The following NKAIN3 variants were observed in gnomAD, a reference collection of about 807,000 sequenced individuals.
NKAIN3 encodes sodium/potassium-transporting ATPase subunit beta-1-interacting protein 3.
Under a neutral mutation model 30.2 loss-of-function variants are expected in NKAIN3, and 25 were observed. The observed-to-expected ratio is 0.83, with a 90% CI of 0.60 to 1.16. NKAIN3 has a LOEUF of 1.16. Among genes scored for constraint, NKAIN3 ranks in the 50% most tolerant of loss-of-function variants. The pLI is 0.00. For synonymous variants in NKAIN3, 91 were observed against 89.6 expected, an observed-to-expected ratio of 1.02 and a Z score of -0.09; for missense variants, 225 against 254.1, an observed-to-expected ratio of 0.89 and a Z score of 0.78.
At chr8:62,321,729 G>C (rs548195537) in intron 1 of NKAIN3, among the ~76,000 whole-genome samples, 210 of 152,310 alleles carry the variant, frequency 1.4e-3, no homozygotes, top group Non-Finnish European at 2.6e-3. Context: ...TGAGGTGTCA[G>C]TCTGCCCCTA....
chr8:62,322,416 C>T (rs1320524115), intron 1 of NKAIN3, among the ~76,000 whole-genome samples: 4 of 152,168 alleles, frequency 2.6e-5, no homozygotes, highest in Admixed American at 6.5e-5. Context: ...TCTTCTGTGT[C>T]GCTCACACTG....
chr8:62,447,590 G>A (rs1404064009), intron 1 of NKAIN3, among the ~76,000 whole-genome samples: 1 of 151,962 alleles, frequency 6.6e-6, no homozygotes, highest in Non-Finnish European at 1.5e-5. Flanking sequence ...TGTACTTTGG[G>A]TTCTTTTCTT....
chr8:62,977,275 T>C lies in NKAIN3; in HGVS notation c.*11868T>C, dbSNP rs1414666313. Among the ~76,000 whole-genome samples, 1 of 152,166 alleles carries C rather than the reference T, an allele frequency of 6.6e-6. No homozygotes were observed. The highest frequency in any genetic ancestry group is 1.5e-5 in the Non-Finnish European group (1 of 68,044). ...GTTGGGGAAGTTCTCCTGGATTATA[T>C]CCTAAATTGTGCTTTCCAACTTGAT... is the stretch of plus-strand genomic sequence containing the variant. On this transcript the variant is annotated 3_prime_UTR_variant, in exon 7 of 7. Transcript: ENST00000623646.
At chr8:62,960,735 G>GCACACA (rs113227908) in intron 6 of NKAIN3, among the ~76,000 whole-genome samples, 2,802 of 148,322 alleles carry the variant, frequency 0.019, 51 homozygotes, top group Admixed American at 0.057. Flanking sequence ...CAGGAAAAAA[G>GCACACA]CACACACACA....
chr8:62,600,630 C>T (rs1585995639), intron 3 of NKAIN3, among the ~76,000 whole-genome samples: 1 of 152,034 alleles, frequency 6.6e-6, no homozygotes, highest in African/African-American at 2.4e-5. Context: ...AACCCACCTG[C>T]ATTTGTTTCT....
intron 5 of NKAIN3, among the ~76,000 whole-genome samples, chr8:62,945,151 C>T (rs572739874): frequency 6.6e-6 from 1 of 151,752 alleles, no homozygotes; most frequent in Non-Finnish European, 1.5e-5. Flanking sequence ...AGTCTGATAA[C>T]AAATGAATTT....
intron 1 of NKAIN3, among the ~76,000 whole-genome samples, chr8:62,337,368 C>T (rs1270654301): frequency 6.6e-6 from 1 of 151,904 alleles, no homozygotes; most frequent in African/African-American, 2.4e-5. Context: ...TAAGACATTT[C>T]TCTACCTTCG....
chr8:62,856,312 C>A, intron 4 of NKAIN3: 1 of 920,864 alleles, frequency 1.1e-6, no homozygotes, highest in Non-Finnish European at 1.8e-6. Flanking sequence ...ATCACTATAT[C>A]TTTGATGAGC....
At chr8:62,924,288 G>A (rs768824330) in intron 5 of NKAIN3, among the ~76,000 whole-genome samples, 5 of 152,110 alleles carry the variant, frequency 3.3e-5, no homozygotes, top group African/African-American at 9.7e-5. Flanking sequence ...CACCCTTTCC[G>A]GGTTAGTTGA....
At chr8:62,256,236 G>C (rs2129387912) in intron 1 of NKAIN3, among the ~76,000 whole-genome samples, 1 of 151,946 alleles carries the variant, frequency 6.6e-6, no homozygotes, top group South Asian at 2.1e-4. Flanking sequence ...AACAAAGTGA[G>C]ACCCTGTCTC....
intron 1 of NKAIN3, among the ~76,000 whole-genome samples, chr8:62,257,398 C>T (rs1384683): frequency 1.4e-4 from 21 of 152,044 alleles, no homozygotes; most frequent in African/African-American, 4.6e-4. Context: ...ATATTCTTTA[C>T]GCTGAAACCT....
chr8:62,703,789 GT>G (rs1273310967), intron 3 of NKAIN3, among the ~76,000 whole-genome samples: 1 of 152,082 alleles, frequency 6.6e-6, no homozygotes, highest in Non-Finnish European at 1.5e-5. Context: ...ATTTGTCTAG[GT>G]GTAAAATGCT....
At chr8:62,368,750 C>T (rs1585730700) in intron 1 of NKAIN3, among the ~76,000 whole-genome samples, 1 of 152,098 alleles carries the variant, frequency 6.6e-6, no homozygotes, top group Non-Finnish European at 1.5e-5. Context: ...GTTATTAATA[C>T]ATGTAGTCAA....
At chr8:62,862,095 A>G (rs1184719290) in intron 4 of NKAIN3, among the ~76,000 whole-genome samples, 2 of 152,218 alleles carry the variant, frequency 1.3e-5, no homozygotes, top group Non-Finnish European at 2.9e-5. Flanking sequence ...ACTCATTAAA[A>G]ACTATGCAGT....
intron 4 of NKAIN3, among the ~76,000 whole-genome samples, chr8:62,803,412 GTC>G (rs1563569459): frequency 6.6e-6 from 1 of 152,036 alleles, no homozygotes; most frequent in Non-Finnish European, 1.5e-5. Context: ...ATAACAAACT[GTC>G]TCTCAGACCA....
chr8:62,499,831 T>TTTCC (rs1313667610), intron 1 of NKAIN3, among the ~76,000 whole-genome samples: 1 of 152,088 alleles, frequency 6.6e-6, no homozygotes, highest in African/African-American at 2.4e-5. Flanking sequence ...TCTTTCTTTC[T>TTTCC]TTCTTTCCTT....
rs1253680596 is a variant in NKAIN3, at chr8:62,983,445, C to T, written c.*18038C>T. On this transcript the variant is annotated 3_prime_UTR_variant, in exon 7 of 7. Coordinates refer to ENST00000623646, the MANE Select transcript of NKAIN3 (RefSeq NM_001304533.3). ...CCCATTTGCAACCCTCTTCTGTCTC[C>T]CTAAGCATTCAACAAACACTTAGTG... The T allele has an allele frequency of 6.6e-6, 1 of 152,164 alleles. No individual in the cohort carries two copies. The highest frequency in any genetic ancestry group is 1.5e-5 in the Non-Finnish European group (1 of 68,036). The allele number at this position is 152,164 out of a possible 1,614,324, so 9.4% of individuals were successfully genotyped here. A position where few individuals can be genotyped will look rare whatever the true frequency, so the allele number is the denominator to read the frequency against.
intron 1 of NKAIN3, among the ~76,000 whole-genome samples, chr8:62,313,907 C>T (rs73683094): frequency 0.078 from 11,896 of 151,954 alleles, 1,537 homozygotes; most frequent in African/African-American, 0.27. Flanking sequence ...TTCAAAACAC[C>T]GGAGACATTG....
rs995526125 is a variant in NKAIN3 at position 62,970,278 on chromosome 8, T to C, written c.*4871T>C. ...ATTATTAGAAGAAGGTATTTATCAA[T>C]AAAGAATTCTCAAAAAAATGGAATT... On this transcript the variant is annotated 3_prime_UTR_variant, in exon 7 of 7. Coordinates refer to ENST00000623646, the MANE Select transcript of NKAIN3 (RefSeq NM_001304533.3). Among the ~76,000 whole-genome samples the C allele has an allele frequency of 2.6e-5, 4 of 151,998 alleles. No homozygotes were observed. Among genetic ancestry groups the C allele is most frequent in the African/African-American group, 9.7e-5 (4 of 41,394 alleles).
Sources: gnomAD v4.1 joint callset for allele counts (sites outside exome capture counted in the v4.1 genomes callset) on GRCh38, gnomAD v4.1.1 for gene constraint, MANE v1.5 for transcripts, NCBI Gene and HGNC (gene_info 2026-07-23, HGNC 2026-07-21) for gene names.